The following DMD variants were observed in gnomAD, a reference collection of about 807,000 sequenced individuals.
DMD encodes the protein mutant dystrophin.
Under a neutral mutation model 330.1 loss-of-function variants are expected in DMD, and 63 were observed. The observed-to-expected ratio is 0.19, with a 90% confidence interval of 0.16 to 0.24. The LOEUF is 0.24. Ranked by LOEUF, DMD falls within the 10% of genes least tolerant of loss-of-function variation. DMD has a pLI of 1.00. For synonymous variants in DMD, 1,223 were observed against 959.8 expected (o/e 1.27, Z -5.07); for missense variants, 3,344 against 2,684.1 (o/e 1.25, Z -5.43).
intron 17 of DMD, among the ~76,000 whole-genome samples, chrX:32,543,208 T>A (rs1418012815): frequency 9.0e-6 from 1 of 111,524 alleles, no homozygotes; most frequent in Admixed American, 9.6e-5. Context: ...ATGTGCCCAA[T>A]GGGACTTCTC....
chrX:32,038,749 T>G (rs1207948450), intron 44 of DMD, among the ~76,000 whole-genome samples: 2 of 111,252 alleles, frequency 1.8e-5, no homozygotes, highest in Non-Finnish European at 3.8e-5. Context: ...ATTAATAAAT[T>G]TACTTAGTCT....
At chrX:32,848,386 CT>C (rs1410390130) in intron 3 of DMD, among the ~76,000 whole-genome samples, 30 of 111,779 alleles carry the variant, frequency 2.7e-4, no homozygotes, top group Non-Finnish European at 5.3e-4. Flanking sequence ...ACACACAAAT[CT>C]ATCTCTAACT....
At chrX:33,252,542 A>C (rs1394969181) in intron 1 of DMD, among the ~76,000 whole-genome samples, 1 of 110,689 alleles carries the variant, frequency 9.0e-6, no homozygotes, top group African/African-American at 3.3e-5. Flanking sequence ...CTTTGCTTTA[A>C]AACATGTGGC....
rs140664490 is a variant in DMD, at chrX:32,895,814, A to T, written c.94-45994T>A. 4.9e-3 allele frequency among the ~76,000 whole-genome samples: 521 copies of T among 105,921 alleles called. 15 individuals are homozygous for T. In the East Asian group the frequency reaches 0.11, roughly 22 times the overall value. The allele number at this position is 105,921 out of a possible 115,157, so 92.0% of individuals were successfully genotyped here. On this transcript the variant is annotated intron_variant, in intron 2 of 78. Coordinates refer to ENST00000357033, the MANE Select transcript of DMD (RefSeq NM_004006.3). ...CGGCTGAGGTTGAGAGCTTTCAAGG[A>T]TGCTGAGCTGGCTGCTGGCTTGGAA...
At chrX:33,046,049 C>G (rs1277918742) in intron 1 of DMD, among the ~76,000 whole-genome samples, 3 of 111,454 alleles carry the variant, frequency 2.7e-5, no homozygotes, top group South Asian at 7.6e-4. Context: ...CCCCACAGAC[C>G]ACATTGGATG....
At chrX:32,196,986 C>CAAAAGAAAAAAA (rs2097006334) in intron 44 of DMD, among the ~76,000 whole-genome samples, 1 of 49,640 alleles carries the variant, frequency 2.0e-5, no homozygotes, top group Non-Finnish European at 3.3e-5. Context: ...GACTCCATCT[C>CAAAAGAAAAAAA]AAAAAAAAAA....
chrX:33,105,133 AACCAATT>A (rs1211011493), intron 1 of DMD, among the ~76,000 whole-genome samples: 1 of 112,053 alleles, frequency 8.9e-6, no homozygotes, highest in Non-Finnish European at 1.9e-5. Flanking sequence ...AAATACTTAA[AACCAATT>A]TACCTTCAAC....
chrX:32,881,852 G>A (rs1029960450), intron 2 of DMD, among the ~76,000 whole-genome samples: 8 of 111,331 alleles, frequency 7.2e-5, no homozygotes, highest in East Asian at 2.8e-4. Flanking sequence ...TCTGCAAACC[G>A]TACTTCTGGC....
Position 31,843,670 on chromosome X carries a change from C to T in DMD, c.7099-6851G>A, listed in dbSNP as rs142495417. Among the ~76,000 whole-genome samples the T allele has an allele frequency of 7.6e-3, 847 of 111,496 alleles. 5 individuals are homozygous for T. Among genetic ancestry groups the T allele is most frequent in the African/African-American group, 0.026 (787 of 30,616 alleles). Reference sequence around the variant, plus strand: ...TCTCATCTTGTGGGTTGTCTGTTTACTCTGTTGATAGTTTCTTTTGCTGTG... The same window carrying T: ...TCTCATCTTGTGGGTTGTCTGTTTATTCTGTTGATAGTTTCTTTTGCTGTG... On this transcript the variant is annotated intron_variant, in intron 48 of 78. Transcript: ENST00000357033.
At chrX:32,436,551 A>G (rs2098262111) in intron 29 of DMD, among the ~76,000 whole-genome samples, 1 of 111,918 alleles carries the variant, frequency 8.9e-6, no homozygotes, top group African/African-American at 3.2e-5. Context: ...GGTTATAAGT[A>G]GTTTTGTGTT....
At chrX:32,215,012 T>C (rs2097107235) in intron 44 of DMD, among the ~76,000 whole-genome samples, 2 of 111,384 alleles carry the variant, frequency 1.8e-5, no homozygotes, top group South Asian at 7.5e-4. Flanking sequence ...GTCAAGAAAG[T>C]AAAGACTGAA....
intron 7 of DMD, among the ~76,000 whole-genome samples, chrX:32,792,371 CCAT>C (rs1185506047): frequency 9.0e-6 from 1 of 110,737 alleles, no homozygotes; most frequent in Non-Finnish European, 1.9e-5. Context: ...CTAAAGAATA[CCAT>C]CACACTATAA....
At chrX:33,313,915 C>T (rs761497620) in intron 1 of DMD, among the ~76,000 whole-genome samples, 32 of 110,885 alleles carry the variant, frequency 2.9e-4, no homozygotes, top group Non-Finnish European at 5.9e-4. Flanking sequence ...CCAAGTCAAA[C>T]CCAGTGTATT....
chrX:32,288,342 T>A, intron 42 of DMD, among the ~76,000 whole-genome samples: 1 of 111,944 alleles, frequency 8.9e-6, no homozygotes, highest in Non-Finnish European at 1.9e-5. Flanking sequence ...GATTGACAAC[T>A]TTGGAGCCAT....
At chrX:32,202,548 C>T (rs995123303) in intron 44 of DMD, among the ~76,000 whole-genome samples, 4 of 111,376 alleles carry the variant, frequency 3.6e-5, no homozygotes, top group Non-Finnish European at 7.5e-5. Flanking sequence ...GATGGGGTTT[C>T]GCCATGTTGG....
chrX:32,529,172 G>C (rs747639216), intron 17 of DMD, among the ~76,000 whole-genome samples: 1 of 105,793 alleles, frequency 9.5e-6, no homozygotes, highest in African/African-American at 3.4e-5. Flanking sequence ...TGATCCGCCC[G>C]ACTCAGCCTC....
chrX:31,930,215 C>A (rs1023185048), intron 46 of DMD, among the ~76,000 whole-genome samples: 2 of 110,495 alleles, frequency 1.8e-5, no homozygotes, highest in African/African-American at 3.3e-5. Flanking sequence ...CTGTGCTAAC[C>A]TTTTCACATT....
chrX:31,883,112 A>G (rs111749849), intron 47 of DMD, among the ~76,000 whole-genome samples: 2,757 of 112,126 alleles, frequency 0.025, 86 homozygotes, highest in African/African-American at 0.085. Flanking sequence ...GCATATTCAC[A>G]CAATAGAATA....
intron 12 of DMD, among the ~76,000 whole-genome samples, chrX:32,601,026 A>G (rs773977060): frequency 9.0e-6 from 1 of 111,543 alleles, no homozygotes; most frequent in Non-Finnish European, 1.9e-5. Flanking sequence ...TTCTTGGGAA[A>G]TGATGGGGTG....
Sources: allele counts gnomAD v4.1 joint callset (sites outside exome capture counted in the v4.1 genomes callset), GRCh38; gene constraint gnomAD v4.1.1; transcripts MANE v1.5; gene names NCBI Gene and HGNC (gene_info 2026-07-23, HGNC 2026-07-21).